The following CGNL1 variants were observed in gnomAD, a reference collection of about 807,000 sequenced individuals.
CGNL1 encodes the protein cingulin-like protein 1.
In CGNL1, 132 loss-of-function variants were observed where a neutral mutation model predicts 141.2. That is an observed-to-expected ratio of 0.93 (90% CI 0.81 to 1.08). The LOEUF is 1.08. CGNL1 is among the 50% of genes least tolerant of loss of function. CGNL1 has a pLI of 0.00. For synonymous variants in CGNL1, 690 were observed against 622.1 expected, an observed-to-expected ratio of 1.11 and a Z score of -1.63; for missense variants, 1,870 against 1,588.6, an observed-to-expected ratio of 1.18 and a Z score of -3.01.
chr15:57,495,343 A>G (rs951847041), intron 8 of CGNL1, among the ~76,000 whole-genome samples: 5 of 151,824 alleles, frequency 3.3e-5, no homozygotes, highest in Admixed American at 3.3e-4. Flanking sequence ...AGATGCAGTG[A>G]CTCTGGAACC....
intron 1 of CGNL1, among the ~76,000 whole-genome samples, chr15:57,410,487 G>A (rs7176344): frequency 0.28 from 42,168 of 151,852 alleles, 6,050 homozygotes; most frequent in East Asian, 0.43. Context: ...ATTCCATGTC[G>A]CTGGCTATGT....
At chr15:57,400,245 G>A (rs545378402) in intron 1 of CGNL1, among the ~76,000 whole-genome samples, 80 of 152,078 alleles carry the variant, frequency 5.3e-4, no homozygotes, top group Non-Finnish European at 1.1e-3. Context: ...GGCCCGCCTC[G>A]GCCTCCCAAA....
At chr15:57,515,724 C>G (rs2030721444) in intron 8 of CGNL1, among the ~76,000 whole-genome samples, 1 of 152,136 alleles carries the variant, frequency 6.6e-6, no homozygotes, top group Non-Finnish European at 1.5e-5. Flanking sequence ...ATTGTCATTC[C>G]TTTCTGTTGT....
At chr15:57,466,232 C>T (rs1045689718) in intron 8 of CGNL1, among the ~76,000 whole-genome samples, 58 of 152,176 alleles carry the variant, frequency 3.8e-4, no homozygotes, top group African/African-American at 1.2e-3. Context: ...GGTCATTTTA[C>T]ACTTTTTTTA....
chr15:57,426,102 G>A (rs781759187), intron 1 of CGNL1, among the ~76,000 whole-genome samples: 6 of 152,128 alleles, frequency 3.9e-5, no homozygotes, highest in Non-Finnish European at 7.3e-5. Context: ...GATCAGAGAG[G>A]AAGGGATTCT....
At chr15:57,455,767 A>AAT (rs1595722661) in intron 7 of CGNL1, among the ~76,000 whole-genome samples, 2 of 152,306 alleles carry the variant, frequency 1.3e-5, no homozygotes, top group East Asian at 3.9e-4. Context: ...CTATTAACTG[A>AAT]ACATCATTAG....
At chr15:57,377,521 C>A (rs570976603) in intron 1 of CGNL1, among the ~76,000 whole-genome samples, 1 of 152,186 alleles carries the variant, frequency 6.6e-6, no homozygotes, top group African/African-American at 2.4e-5. Context: ...ACTCTTCGGA[C>A]GGCTCAAGAT....
At chr15:57,436,934 G>A (rs569489616) in intron 1 of CGNL1, among the ~76,000 whole-genome samples, 1 of 152,058 alleles carries the variant, frequency 6.6e-6, no homozygotes, top group Non-Finnish European at 1.5e-5. Context: ...CTTGGAAAAT[G>A]TGCTAGTAGA....
At chr15:57,512,684 T>A (rs1392680865) in intron 8 of CGNL1, among the ~76,000 whole-genome samples, 1 of 152,184 alleles carries the variant, frequency 6.6e-6, no homozygotes, top group Non-Finnish European at 1.5e-5. Flanking sequence ...TCTAACACGC[T>A]AGGGTGCTAG....
chr15:57,438,880 G>C lies in CGNL1; in HGVS notation c.881G>C (p.Arg294Pro). Residue 294 changes from arginine (R) to proline (P), a missense_variant, in exon 2 of 19, where the codon CGG (arginine) becomes CCG (proline). By Grantham distance (103) the Arg-to-Pro change is moderately radical. Transcript: ENST00000281282. ...AGPVLDGARS[R>P]RSSSSSTTPT... ...CCCGTCCTGGATGGAGCTCGGTCCC[G>C]GAGGTCCTCCTCGTCATCCACAACT... The C allele has an allele frequency of 6.2e-7, 1 of 1,614,158 alleles. No individual in the cohort carries two copies. Among genetic ancestry groups the C allele is most frequent in the Non-Finnish European group, 8.5e-7 (1 of 1,180,030 alleles).
intron 1 of CGNL1, among the ~76,000 whole-genome samples, chr15:57,378,175 G>C (rs1434890280): frequency 6.6e-6 from 1 of 151,958 alleles, no homozygotes; most frequent in Admixed American, 6.6e-5. Flanking sequence ...GGCTAAATTA[G>C]GTCATATATT....
chr15:57,420,931 C>A (rs28576065), intron 1 of CGNL1, among the ~76,000 whole-genome samples: 1 of 152,018 alleles, frequency 6.6e-6, no homozygotes, highest in African/African-American at 2.4e-5. Context: ...TTATTCCCAT[C>A]CATTTGCTAT....
At chr15:57,426,345 A>G (rs1174744236) in intron 1 of CGNL1, among the ~76,000 whole-genome samples, 3 of 151,854 alleles carry the variant, frequency 2.0e-5, no homozygotes, top group Non-Finnish European at 4.4e-5. Context: ...GGGTTTCACC[A>G]TGTTGAACAG....
At chr15:57,458,708 C>T (rs1271084080) in intron 7 of CGNL1, among the ~76,000 whole-genome samples, 1 of 152,158 alleles carries the variant, frequency 6.6e-6, no homozygotes, top group Non-Finnish European at 1.5e-5. Flanking sequence ...CCGGAAGCAA[C>T]AGTAATTCAG....
chr15:57,545,573 T>C lies in CGNL1; in HGVS notation c.3501-19T>C. 1 of 1,605,788 alleles carries C rather than the reference T, an allele frequency of 6.2e-7. No individual in the cohort carries two copies. The highest frequency in any genetic ancestry group is 1.7e-5 in the Admixed American group (1 of 59,462). ...GGATGGGAGTGAGAGGGTTCTTGGTTCTGTCTCCCCTCTTCCAGGGATCGG... is the reference window on the plus strand; with the variant it reads ...GGATGGGAGTGAGAGGGTTCTTGGTCCTGTCTCCCCTCTTCCAGGGATCGG... On this transcript the variant is annotated intron_variant, in intron 16 of 18. Coordinates refer to ENST00000281282, the MANE Select transcript of CGNL1 (RefSeq NM_032866.5).
At chr15:57,418,480 G>T (rs10083566) in intron 1 of CGNL1, among the ~76,000 whole-genome samples, 15,813 of 152,068 alleles carry the variant, frequency 0.1, 932 homozygotes, top group Middle Eastern at 0.19. Flanking sequence ...ATGTTTCCTG[G>T]GGAAGGTTGG....
intron 1 of CGNL1, among the ~76,000 whole-genome samples, chr15:57,384,671 T>C (rs1487493637): frequency 7.5e-6 from 1 of 133,166 alleles, no homozygotes; most frequent in African/African-American, 3.2e-5. Flanking sequence ...CCATAAACTT[T>C]ATTTTCTTTC....
At position 57,396,277 on chromosome 15, in the gene CGNL1, GT is replaced by G. The variant is rs57154500; in HGVS notation, c.-16+19727del. Reference sequence around the variant, plus strand: ...ATTGTGCTACTTACTTTCTTTCTTTGTTTTTTTTTTTTTTTTTGGAAACAGT... The same window carrying G: ...ATTGTGCTACTTACTTTCTTTCTTTGTTTTTTTTTTTTTTTTGGAAACAGT... On this transcript the variant is annotated intron_variant, in intron 1 of 18. Coordinates refer to ENST00000281282, the MANE Select transcript of CGNL1 (RefSeq NM_032866.5). 6.6e-3 allele frequency among the ~76,000 whole-genome samples: 852 copies of G among 129,186 alleles called. 3 individuals carry two copies. Among genetic ancestry groups the G allele is most frequent in the African/African-American group, 0.023 (769 of 33,940 alleles). 84.8% of individuals were successfully genotyped at this position (129,186 alleles called of 152,430 possible).
intron 12 of CGNL1, chr15:57,527,780 ATGTTGT>A (rs1415645366): frequency 6.6e-6 from 1 of 152,180 alleles, no homozygotes; most frequent in African/African-American, 2.4e-5. Flanking sequence ...GTGCCTGTGT[ATGTTGT>A]TAGGTTTTTT....
Sources: allele counts gnomAD v4.1 joint callset (sites outside exome capture counted in the v4.1 genomes callset), GRCh38; gene constraint gnomAD v4.1.1; transcripts MANE v1.5; gene names NCBI Gene and HGNC (gene_info 2026-07-23, HGNC 2026-07-21).